NKAIN3: variants seen among roughly 807,000 people sequenced by gnomAD.
The protein encoded by NKAIN3 is sodium/potassium-transporting ATPase subunit beta-1-interacting protein 3.
NKAIN3 carries 25 observed loss-of-function variants against 30.2 expected under a neutral mutation model. That is an observed-to-expected ratio of 0.83 (90% confidence interval 0.60 to 1.16). NKAIN3 has a LOEUF of 1.16. Ranked by LOEUF, NKAIN3 falls within the 50% of genes most tolerant of loss-of-function variation. NKAIN3 has a pLI of 0.00. For synonymous variants in NKAIN3, 91 were observed against 89.6 expected, an observed-to-expected ratio of 1.02 and a Z score of -0.09; for missense variants, 225 against 254.1, an observed-to-expected ratio of 0.89 and a Z score of 0.78.
At chr8:62,279,903 T>C (rs1160597876) in intron 1 of NKAIN3, among the ~76,000 whole-genome samples, 3 of 152,152 alleles carry the variant, frequency 2.0e-5, no homozygotes, top group African/African-American at 7.2e-5. Flanking sequence ...TTTTCCAATT[T>C]TGTGAAGAAA....
chr8:62,738,775 T>A (rs893133307), intron 3 of NKAIN3, among the ~76,000 whole-genome samples: 6 of 152,198 alleles, frequency 3.9e-5, no homozygotes, highest in Non-Finnish European at 7.3e-5. Context: ...ATTCTGTAGG[T>A]TGCCTATTCA....
At chr8:62,433,261 A>T (rs964164944) in intron 1 of NKAIN3, among the ~76,000 whole-genome samples, 1 of 152,110 alleles carries the variant, frequency 6.6e-6, no homozygotes, top group Non-Finnish European at 1.5e-5. Flanking sequence ...AATTCTTACT[A>T]AGTTTATTAC....
At chr8:62,551,961 A>C (rs1308986184) in intron 1 of NKAIN3, among the ~76,000 whole-genome samples, 1 of 152,204 alleles carries the variant, frequency 6.6e-6, no homozygotes, top group Non-Finnish European at 1.5e-5. Flanking sequence ...ATCAAATTTC[A>C]TGGAAAATAT....
intron 1 of NKAIN3, among the ~76,000 whole-genome samples, chr8:62,368,439 A>G (rs1251294109): frequency 6.6e-6 from 1 of 152,186 alleles, no homozygotes; most frequent in Non-Finnish European, 1.5e-5. Flanking sequence ...TTGAGAACAC[A>G]CACAGAAAGG....
chr8:62,547,071 G>A (rs920637329), intron 1 of NKAIN3, among the ~76,000 whole-genome samples: 2 of 152,186 alleles, frequency 1.3e-5, no homozygotes, highest in African/African-American at 2.4e-5. Context: ...AGACTCACTT[G>A]AGGAGGGCAG....
intron 4 of NKAIN3, among the ~76,000 whole-genome samples, chr8:62,865,963 T>C (rs1174797484): frequency 6.6e-6 from 1 of 152,162 alleles, no homozygotes; most frequent in Non-Finnish European, 1.5e-5. Context: ...ATTGGATTTT[T>C]AAAAAAGTGG....
chr8:62,579,677 G>T lies in NKAIN3; in HGVS notation c.192+1G>T. On this transcript the variant is annotated splice_donor_variant, in intron 2 of 6. Coordinates refer to ENST00000623646, the MANE Select transcript of NKAIN3 (RefSeq NM_001304533.3). LOFTEE classifies it high-confidence loss of function. Reference sequence around the variant, plus strand: ...GTACAGACCTCGATACATAATGGTGGTAAGTCTTATTTTTATCATTTTGCT... The same window carrying T: ...GTACAGACCTCGATACATAATGGTGTTAAGTCTTATTTTTATCATTTTGCT... 6.9e-7 allele frequency: 1 copy of T among 1,458,320 alleles called. No individual in the cohort carries two copies. Among genetic ancestry groups the T allele is most frequent in the South Asian group, 1.6e-5 (1 of 62,594 alleles). 90.3% of individuals were successfully genotyped at this position (1,458,320 alleles called of 1,614,324 possible).
At chr8:62,691,416 G>A (rs151023734) in intron 3 of NKAIN3, among the ~76,000 whole-genome samples, 124 of 152,194 alleles carry the variant, frequency 8.1e-4, no homozygotes, top group African/African-American at 2.9e-3. Context: ...CTGAGCGCTA[G>A]GGTGGCTGCC....
chr8:62,763,018 C>T (rs539668518), intron 4 of NKAIN3, among the ~76,000 whole-genome samples: 84 of 151,726 alleles, frequency 5.5e-4, no homozygotes, highest in African/African-American at 1.9e-3. Context: ...GTCAGGAGAT[C>T]GAGGCCATCC....
intron 4 of NKAIN3, among the ~76,000 whole-genome samples, chr8:62,765,606 A>C (rs904508957): frequency 6.6e-6 from 1 of 152,188 alleles, no homozygotes; most frequent in Non-Finnish European, 1.5e-5. Context: ...ACAATAATCC[A>C]ATACCTTTTT....
intron 1 of NKAIN3, among the ~76,000 whole-genome samples, chr8:62,407,666 C>T (rs1202639233): frequency 4.6e-5 from 7 of 152,130 alleles, no homozygotes; most frequent in East Asian, 1.9e-4. Context: ...CTCTTGATCT[C>T]GTGATCCACC....
chr8:62,986,416 A>G (rs185832485), downstream of NKAIN3, among the ~76,000 whole-genome samples: 2 of 152,280 alleles, frequency 1.3e-5, no homozygotes, highest in African/African-American at 4.8e-5. Context: ...CCAGCCCACT[A>G]TCACTGGACT....
chr8:62,303,600 C>T (rs1330644895), intron 1 of NKAIN3, among the ~76,000 whole-genome samples: 2 of 150,508 alleles, frequency 1.3e-5, no homozygotes, highest in Admixed American at 6.6e-5. Flanking sequence ...CATTGACAGA[C>T]AATCCACTTT....
intron 4 of NKAIN3, among the ~76,000 whole-genome samples, chr8:62,917,114 A>T (rs1008369021): frequency 6.6e-6 from 1 of 151,854 alleles, no homozygotes. Flanking sequence ...GCACAGGAAG[A>T]TCTCTCCAGA....
chr8:62,709,084 G>A (rs1234959886), intron 3 of NKAIN3, among the ~76,000 whole-genome samples: 3 of 152,120 alleles, frequency 2.0e-5, no homozygotes, highest in Non-Finnish European at 4.4e-5. Flanking sequence ...ACTTGATCAT[G>A]GTGGATTATC....
chr8:62,782,525 G>A (rs1817381800), intron 4 of NKAIN3, among the ~76,000 whole-genome samples: 1 of 151,858 alleles, frequency 6.6e-6, no homozygotes, highest in South Asian at 2.1e-4. Flanking sequence ...TAACCTAGGT[G>A]TCCATCAATG....
chr8:62,254,172 G>GTA (rs1474185990), intron 1 of NKAIN3, among the ~76,000 whole-genome samples: 1 of 150,850 alleles, frequency 6.6e-6, no homozygotes, highest in Admixed American at 6.6e-5. Flanking sequence ...GTGTGTGTGT[G>GTA]TGTGTGTGTG....
intron 1 of NKAIN3, among the ~76,000 whole-genome samples, chr8:62,361,547 A>G (rs895116136): frequency 5.9e-5 from 9 of 152,236 alleles, no homozygotes; most frequent in African/African-American, 1.7e-4. Flanking sequence ...CATAGTCTAC[A>G]TAGTCTTAAA....
At chr8:62,747,256 A>C in intron 4 of NKAIN3, 127 bp downstream of exon 4, 1 of 607,806 alleles carries the variant, frequency 1.6e-6, no homozygotes, top group South Asian at 2.2e-5. Context: ...AATAGAAGCA[A>C]TTATGGTACC....
Sources: allele counts gnomAD v4.1 joint callset (sites outside exome capture counted in the v4.1 genomes callset), GRCh38; gene constraint gnomAD v4.1.1; transcripts MANE v1.5; gene names NCBI Gene and HGNC (gene_info 2026-07-23, HGNC 2026-07-21).